The following EDIL3 variants were observed in gnomAD, a reference collection of about 807,000 sequenced individuals.
The protein encoded by EDIL3 is EGF-like repeat and discoidin I-like domain-containing protein 3.
EDIL3 carries 37 observed loss-of-function variants against 67.4 expected under a neutral mutation model. The ratio of observed to expected loss-of-function variants is 0.55; its 90% CI spans 0.42 to 0.72. EDIL3 has a LOEUF of 0.72. Among genes scored for constraint, EDIL3 ranks in the 30% least tolerant of loss-of-function variants. The pLI is 0.00. For missense variants in EDIL3, 527 were observed against 586.3 expected, an observed-to-expected ratio of 0.90 and a Z score of 1.04; for synonymous variants, 195 against 196.3, an observed-to-expected ratio of 0.99 and a Z score of 0.05.
chr5:83,963,357 C>A lies in EDIL3; in HGVS notation c.1141G>T (p.Asp381Tyr). The change falls in exon 10 of 11, where the codon GAT becomes TAT. Residue 381 changes from aspartate to tyrosine, a missense_variant. Around this residue, in one of 2 missense-constraint regions of EDIL3, gnomAD observed 494 missense variants for 522.5 expected, o/e 0.95. Transcript: ENST00000296591. Reference sequence around the variant, plus strand: ...GTCACTTTGGTTGGAACAAGAAGATCCACCTTAAAAAAAAGAAAAATACAG... The same window carrying A: ...GTCACTTTGGTTGGAACAAGAAGATACACCTTAAAAAAAAGAAAAATACAG... ...HNDQSQWLQV[D>Y]LLVPTKVTGI... 1 of 1,591,092 alleles carries A rather than the reference C, an allele frequency of 6.3e-7. No individual in the cohort carries two copies. Among genetic ancestry groups the A allele is most frequent in the Non-Finnish European group, 8.5e-7 (1 of 1,171,834 alleles).
chr5:84,303,808 C>CTGTG (rs199605264), intron 1 of EDIL3, among the ~76,000 whole-genome samples: 2,947 of 135,232 alleles, frequency 0.022, 33 homozygotes, highest in African/African-American at 0.057. Flanking sequence ...CTCTCTCTCT[C>CTGTG]TGTGTGTGTG....
At chr5:84,005,459 T>C (rs1208282201) in intron 9 of EDIL3, among the ~76,000 whole-genome samples, 1 of 152,124 alleles carries the variant, frequency 6.6e-6, no homozygotes, top group East Asian at 1.9e-4. Flanking sequence ...TAGCAGCACA[T>C]TTAAAAGCGA....
chr5:84,125,649 C>A (rs530790569), intron 5 of EDIL3, among the ~76,000 whole-genome samples: 1 of 152,084 alleles, frequency 6.6e-6, no homozygotes, highest in South Asian at 2.1e-4. Flanking sequence ...AGTTAACAGG[C>A]GGACATTCTC....
At chr5:84,007,097 A>G (rs762270184) in intron 9 of EDIL3, among the ~76,000 whole-genome samples, 1 of 152,136 alleles carries the variant, frequency 6.6e-6, no homozygotes, top group Non-Finnish European at 1.5e-5. Flanking sequence ...GAAGAATAAG[A>G]CTAGACCACC....
chr5:84,006,719 CTAAAA>C (rs934118312), intron 9 of EDIL3, among the ~76,000 whole-genome samples: 8 of 152,078 alleles, frequency 5.3e-5, no homozygotes, highest in Non-Finnish European at 1.2e-4. Flanking sequence ...ACACCTGAAC[CTAAAA>C]TAAAAGTTAA....
At position 84,236,785 on chromosome 5, in the gene EDIL3, C is replaced by CT. The variant is rs529883790; in HGVS notation, c.197-6902dup. Among the ~76,000 whole-genome samples, 98 of 143,190 alleles carry CT rather than the reference C, an allele frequency of 6.8e-4. 1 individual carries two copies. The highest frequency in any genetic ancestry group is 5.8e-3 in the East Asian group (29 of 5,010). The allele number at this position is 143,190 out of a possible 152,430, so 93.9% of individuals were successfully genotyped here. A position where few individuals can be genotyped will look rare whatever the true frequency, so the allele number is the denominator to read the frequency against. On this transcript the variant is annotated intron_variant, in intron 2 of 10. Transcript: ENST00000296591. ...AGTAAATTTAATGACTGTTTTTACC[C>CT]TTTTTTTTTTTAGCTTTGTAAAATG...
rs142590365 is a variant in EDIL3, at chr5:84,373,566, C to A, written c.67+10742G>T. On this transcript the variant is annotated intron_variant, in intron 1 of 10. Transcript: ENST00000296591. ...CTTAGTGCCAGAGATGGAAAAAAGACTTTAGAAATTATCTTAGTTCGAGAT... is the reference window on the plus strand; with the variant it reads ...CTTAGTGCCAGAGATGGAAAAAAGAATTTAGAAATTATCTTAGTTCGAGAT... Among the ~76,000 whole-genome samples, 465 of 152,078 alleles carry A rather than the reference C, an allele frequency of 3.1e-3. 3 individuals are homozygous for A. The highest frequency in any genetic ancestry group is 0.01 in the African/African-American group (430 of 41,502).
At chr5:84,146,905 C>T (rs948387344) in intron 4 of EDIL3, among the ~76,000 whole-genome samples, 10 of 151,890 alleles carry the variant, frequency 6.6e-5, no homozygotes, top group African/African-American at 2.4e-4. Flanking sequence ...TAAAAGGACA[C>T]AAAACAGTAA....
At chr5:84,274,811 AGAG>A (rs1745543157) in intron 1 of EDIL3, among the ~76,000 whole-genome samples, 1 of 152,030 alleles carries the variant, frequency 6.6e-6, no homozygotes, top group Admixed American at 6.6e-5. Flanking sequence ...ACACACACAA[AGAG>A]AGAAAGACCT....
intron 5 of EDIL3, among the ~76,000 whole-genome samples, chr5:84,134,390 G>A (rs1164529965): frequency 1.3e-5 from 2 of 152,052 alleles, no homozygotes; most frequent in Non-Finnish European, 2.9e-5. Flanking sequence ...CTGCCCTCTG[G>A]GACATGCATG....
At chr5:84,135,164 C>T (rs1398004062) in intron 5 of EDIL3, among the ~76,000 whole-genome samples, 1 of 152,154 alleles carries the variant, frequency 6.6e-6, no homozygotes, top group Non-Finnish European at 1.5e-5. Flanking sequence ...TCCACACCCT[C>T]ATGTGCCACT....
intron 9 of EDIL3, among the ~76,000 whole-genome samples, chr5:84,038,585 G>A (rs1408160403): frequency 6.6e-6 from 1 of 152,210 alleles, no homozygotes; most frequent in East Asian, 1.9e-4. Context: ...CCCCAAGGGA[G>A]TACCTTTCAA....
At chr5:83,953,149 A>G (rs1428515465) in intron 10 of EDIL3, among the ~76,000 whole-genome samples, 1 of 151,826 alleles carries the variant, frequency 6.6e-6, no homozygotes, top group Non-Finnish European at 1.5e-5. Context: ...TCCAGCTACA[A>G]GACATAGAAG....
intron 3 of EDIL3, among the ~76,000 whole-genome samples, chr5:84,192,056 T>C (rs1356395652): frequency 6.6e-6 from 1 of 152,044 alleles, no homozygotes; most frequent in Non-Finnish European, 1.5e-5. Context: ...TTAGTCAAAA[T>C]ACTTTTTCTG....
intron 1 of EDIL3, among the ~76,000 whole-genome samples, chr5:84,270,752 A>G (rs1745455741): frequency 6.6e-6 from 1 of 152,262 alleles, no homozygotes; most frequent in African/African-American, 2.4e-5. Flanking sequence ...TAATAAAAAA[A>G]GTTAATAAAA....
intron 1 of EDIL3, among the ~76,000 whole-genome samples, chr5:84,334,345 T>C (rs1005192659): frequency 1.3e-5 from 2 of 152,138 alleles, no homozygotes; most frequent in African/African-American, 4.8e-5. Flanking sequence ...ATTACAGGCA[T>C]GAGCCACCGC....
chr5:83,976,439 G>C (rs1024878524), intron 9 of EDIL3, among the ~76,000 whole-genome samples: 1 of 151,870 alleles, frequency 6.6e-6, no homozygotes, highest in Admixed American at 6.6e-5. Flanking sequence ...TAATGAATGT[G>C]TCAAACATTT....
At chr5:84,017,208 G>A (rs961531312) in intron 9 of EDIL3, among the ~76,000 whole-genome samples, 1 of 152,076 alleles carries the variant, frequency 6.6e-6, no homozygotes, top group South Asian at 2.1e-4. Flanking sequence ...ACATCTTTTT[G>A]TAAAATCTAA....
intron 6 of EDIL3, among the ~76,000 whole-genome samples, chr5:84,076,511 A>G (rs1261827812): frequency 3.3e-5 from 5 of 152,156 alleles, no homozygotes; most frequent in Non-Finnish European, 7.4e-5. Flanking sequence ...AACATTATAC[A>G]TTGGTCATTT....
Sources: allele counts gnomAD v4.1 joint callset (sites outside exome capture counted in the v4.1 genomes callset), GRCh38; gene constraint gnomAD v4.1.1; regional missense constraint gnomAD v4.1.1; transcripts MANE v1.5; gene names NCBI Gene and HGNC (gene_info 2026-07-23, HGNC 2026-07-21).